Variants in KLHL32 observed in about 807,000 individuals in gnomAD.
The protein encoded by KLHL32 is kelch-like protein 32.
In KLHL32, 35 loss-of-function variants were observed where a neutral mutation model predicts 64.8. The ratio of observed to expected loss-of-function variants is 0.54; its 90% CI spans 0.41 to 0.72. The LOEUF (loss-of-function observed/expected upper bound fraction) is 0.72. Ranked by LOEUF, KLHL32 falls within the 30% of genes least tolerant of loss-of-function variation. The probability of loss-of-function intolerance (pLI) is 0.00; values close to 1 mark genes in which losing one functional copy is unlikely to be tolerated. For synonymous variants in KLHL32, 259 were observed against 281.0 expected (o/e 0.92, Z 0.78); for missense variants, 589 against 768.5 (o/e 0.77, Z 2.76).
intron 4 of KLHL32, among the ~76,000 whole-genome samples, chr6:97,042,426 G>A (rs1785265647): frequency 6.6e-6 from 1 of 152,122 alleles, no homozygotes; most frequent in Non-Finnish European, 1.5e-5. Flanking sequence ...TTTACAGATA[G>A]GGTGGTATTT....
chr6:97,076,615 A>G (rs1282936693), intron 5 of KLHL32, among the ~76,000 whole-genome samples: 1 of 152,212 alleles, frequency 6.6e-6, no homozygotes, highest in East Asian at 1.9e-4. Context: ...CAGGGAAACT[A>G]TGAAATTAGG....
chr6:97,008,854 T>G (rs1582686934), intron 3 of KLHL32, among the ~76,000 whole-genome samples: 1 of 152,042 alleles, frequency 6.6e-6, no homozygotes, highest in Admixed American at 6.5e-5. Flanking sequence ...CATTCTTCCC[T>G]ATGTCCCTGT....
intron 7 of KLHL32, among the ~76,000 whole-genome samples, chr6:97,116,045 C>G (rs1797777577): frequency 6.6e-6 from 1 of 152,138 alleles, no homozygotes; most frequent in African/African-American, 2.4e-5. Context: ...CTCAGCTTCT[C>G]TGAGCGGTGC....
the KLHL32 span, among the ~76,000 whole-genome samples, chr6:96,911,495 C>G: frequency 6.6e-6 from 1 of 152,164 alleles, no homozygotes; most frequent in Non-Finnish European, 1.5e-5. Context: ...TTCCCACCAG[C>G]ATTTAAGTGT....
At chr6:97,138,225 C>CT (rs1307555918) in intron 10 of KLHL32, among the ~76,000 whole-genome samples, 6 of 143,548 alleles carry the variant, frequency 4.2e-5, no homozygotes, top group African/African-American at 1.6e-4. Flanking sequence ...CAGGCACTGA[C>CT]TAACAGAGGC....
At chr6:97,121,297 C>T (rs1049776066) in intron 7 of KLHL32, among the ~76,000 whole-genome samples, 3 of 152,088 alleles carry the variant, frequency 2.0e-5, no homozygotes, top group Admixed American at 2.0e-4. Context: ...TGAAGGTCTG[C>T]AAAATAGATG....
At chr6:96,917,927 A>G in the KLHL32 span, among the ~76,000 whole-genome samples, 2 of 152,156 alleles carry the variant, frequency 1.3e-5, no homozygotes, top group South Asian at 4.1e-4. Context: ...CAGATAATTC[A>G]TTGTTGCAGG....
rs562265798 is a variant in KLHL32 at position 97,104,657 on chromosome 6, C to CA, written c.628-9125dup. On this transcript the variant is annotated intron_variant, in intron 6 of 10. Coordinates refer to ENST00000369261, the MANE Select transcript of KLHL32 (RefSeq NM_052904.4). ...TATGTGTCTTACATAAGTCTGTAGT[C>CA]AGCTATAATGGTTAATGTGCAATCT... is the stretch of plus-strand genomic sequence containing the variant. Among the ~76,000 whole-genome samples the CA allele has an allele frequency of 1.2e-3, 190 of 152,218 alleles. 2 individuals carry two copies. Among genetic ancestry groups the CA allele is most frequent in the African/African-American group, 4.3e-3 (179 of 41,524 alleles).
chr6:97,077,442 A>C (rs1791776626), intron 5 of KLHL32, among the ~76,000 whole-genome samples: 1 of 151,844 alleles, frequency 6.6e-6, no homozygotes, highest in Admixed American at 6.6e-5. Flanking sequence ...TCTGATCATC[A>C]CTAAAAACCA....
At chr6:97,053,095 C>A (rs1229083013) in intron 4 of KLHL32, among the ~76,000 whole-genome samples, 1 of 152,084 alleles carries the variant, frequency 6.6e-6, no homozygotes, top group African/African-American at 2.4e-5. Context: ...CACACACACA[C>A]ACACACACGC....
At chr6:97,106,272 C>A (rs950577505) in intron 6 of KLHL32, among the ~76,000 whole-genome samples, 5 of 151,986 alleles carry the variant, frequency 3.3e-5, no homozygotes, top group Middle Eastern at 3.4e-3. Flanking sequence ...TGAACTAGGA[C>A]AAAATTTGTA....
intron 5 of KLHL32, among the ~76,000 whole-genome samples, chr6:97,069,508 G>T (rs575776985): frequency 1.3e-3 from 191 of 151,820 alleles, no homozygotes; most frequent in African/African-American, 4.4e-3. Flanking sequence ...AGGGCTGAAG[G>T]TATCTGAGTG....
At chr6:97,040,883 A>G (rs1237384075) in intron 3 of KLHL32, among the ~76,000 whole-genome samples, 2 of 152,170 alleles carry the variant, frequency 1.3e-5, no homozygotes, top group African/African-American at 4.8e-5. Flanking sequence ...CTGCCTTGTG[A>G]AAAAGGTGCC....
chr6:97,005,041 G>C (rs1040178183), intron 3 of KLHL32, among the ~76,000 whole-genome samples: 1 of 152,038 alleles, frequency 6.6e-6, no homozygotes. Context: ...TTTTTGAATA[G>C]TTTTAGTGGG....
intron 1 of KLHL32, among the ~76,000 whole-genome samples, chr6:96,939,114 C>T (rs74474996): frequency 2.6e-5 from 4 of 152,194 alleles, no homozygotes; most frequent in African/African-American, 9.7e-5. Context: ...TATTGGCTTG[C>T]ATGGCCCGCC....
In KLHL32 at chr6:96,989,276, A is replaced by G. The variant is rs144818464; in HGVS notation, c.204+13099A>G. Among the ~76,000 whole-genome samples, 281 of 152,260 alleles carry G rather than the reference A, an allele frequency of 1.8e-3. 2 individuals are homozygous for G. The highest frequency in any genetic ancestry group is 5.2e-3 in the African/African-American group (215 of 41,550). ...ATATTTAGCACTCCCTTAAGTGCCT[A>G]TGTTAAGCCAGGTCTGTTGGTAATG... On this transcript the variant is annotated intron_variant, in intron 3 of 10. Transcript: ENST00000369261.
chr6:97,101,688 G>A (rs1040526093), intron 6 of KLHL32, among the ~76,000 whole-genome samples: 1 of 152,148 alleles, frequency 6.6e-6, no homozygotes, highest in Non-Finnish European at 1.5e-5. Flanking sequence ...TTAAATTACT[G>A]GATTAGAATT....
At chr6:96,992,297 C>T (rs1254951102) in intron 3 of KLHL32, among the ~76,000 whole-genome samples, 1 of 152,222 alleles carries the variant, frequency 6.6e-6, no homozygotes, top group East Asian at 1.9e-4. Flanking sequence ...CTGACTCACT[C>T]ACCGTTTCCT....
intron 4 of KLHL32, among the ~76,000 whole-genome samples, chr6:97,056,573 A>G (rs1787982107): frequency 1.3e-5 from 2 of 151,902 alleles, no homozygotes; most frequent in African/African-American, 4.8e-5. Context: ...GTTTAATCCA[A>G]CTAGCTTCCT....
Sources: allele counts gnomAD v4.1 joint callset (sites outside exome capture counted in the v4.1 genomes callset), GRCh38; gene constraint gnomAD v4.1.1; transcripts MANE v1.5; gene names NCBI Gene and HGNC (gene_info 2026-07-23, HGNC 2026-07-21).